The following MTUS2 variants were observed in gnomAD, a reference collection of about 807,000 sequenced individuals.
MTUS2 encodes the protein microtubule associated scaffold protein 2.
A neutral mutation model predicts 114.1 loss-of-function variants in MTUS2; 40 were observed. The ratio of observed to expected loss-of-function variants is 0.35; its 90% CI spans 0.27 to 0.46. The LOEUF is 0.46. MTUS2 is among the 20% of genes least tolerant of loss of function. MTUS2 has a pLI of 1.00. For missense variants in MTUS2, 1,679 were observed against 1,705.4 expected, an observed-to-expected ratio of 0.98 and a Z score of 0.27; for synonymous variants, 688 against 672.0, an observed-to-expected ratio of 1.02 and a Z score of -0.37.
At chr13:28,903,418 C>A (rs1258450779) in intron 2 of MTUS2, among the ~76,000 whole-genome samples, 1 of 113,254 alleles carries the variant, frequency 8.8e-6, no homozygotes, top group Non-Finnish European at 1.7e-5. Context: ...CCCCCCTCCC[C>A]CCACCCCACA....
At chr13:29,088,791 G>GTTCTTT (rs1889811418) in intron 4 of MTUS2, among the ~76,000 whole-genome samples, 1 of 151,982 alleles carries the variant, frequency 6.6e-6, no homozygotes. Flanking sequence ...AGCAACCCCT[G>GTTCTTT]TTCTTTTTGT....
chr13:29,307,464 T>C, intron 6 of MTUS2: 1 of 1,332,114 alleles, frequency 7.5e-7, no homozygotes, highest in Non-Finnish European at 1.1e-6. Context: ...GGAAGCTCAC[T>C]GGCATGGCCT....
chr13:29,398,838 T>A (rs1874112501), intron 8 of MTUS2, among the ~76,000 whole-genome samples: 1 of 152,142 alleles, frequency 6.6e-6, no homozygotes, highest in Admixed American at 6.5e-5. Context: ...GCAGAAGACT[T>A]CTGAAATTAG....
At chr13:29,392,291 G>C (rs1019251414) in intron 8 of MTUS2, among the ~76,000 whole-genome samples, 1 of 152,212 alleles carries the variant, frequency 6.6e-6, no homozygotes, top group East Asian at 1.9e-4. Flanking sequence ...GACCTTCTCT[G>C]GTGCCTGGAT....
intron 2 of MTUS2, among the ~76,000 whole-genome samples, chr13:28,980,221 G>A (rs1593352586): frequency 6.6e-6 from 1 of 152,230 alleles, no homozygotes; most frequent in Admixed American, 6.5e-5. Context: ...ATTAAACTTG[G>A]CAGTTCTTTT....
chr13:29,352,325 T>C (rs1035790127), intron 7 of MTUS2, among the ~76,000 whole-genome samples: 15 of 152,194 alleles, frequency 9.9e-5, no homozygotes, highest in Non-Finnish European at 2.9e-5. Flanking sequence ...CTTCCGTAGC[T>C]CCAGCCTTCC....
rs953519043 is a variant in MTUS2, at chr13:29,393,133, A to G, written c.3117+33660A>G. Among the ~76,000 whole-genome samples the G allele has an allele frequency of 4.6e-5, 7 of 152,178 alleles. No individual in the cohort carries two copies. The East Asian group carries it at 1.2e-3, about 25-fold the overall frequency. ...AGCTGTGAGCAAAGCAGTGACAAAG[A>G]CAGAATAAGTGGCTTGCAGTCCAGC... On this transcript the variant is annotated intron_variant, in intron 8 of 15. Transcript: ENST00000612955.
At chr13:29,100,398 A>G (rs754943494) in intron 4 of MTUS2, among the ~76,000 whole-genome samples, 8 of 152,252 alleles carry the variant, frequency 5.3e-5, no homozygotes, top group Non-Finnish European at 1.0e-4. Flanking sequence ...TTTAAGGTGT[A>G]TCTCAATTTC....
intron 2 of MTUS2, among the ~76,000 whole-genome samples, chr13:28,970,616 G>C (rs1194220313): frequency 6.6e-6 from 1 of 152,224 alleles, no homozygotes; most frequent in Non-Finnish European, 1.5e-5. Flanking sequence ...GTAAGAAGAT[G>C]AAGGCTTGAC....
chr13:29,269,175 G>A (rs1897783425), intron 5 of MTUS2, among the ~76,000 whole-genome samples: 1 of 152,198 alleles, frequency 6.6e-6, no homozygotes. Flanking sequence ...ACAACTGACA[G>A]TCATTCCCCA....
At chr13:29,456,046 G>A (rs1879085343) in intron 9 of MTUS2, among the ~76,000 whole-genome samples, 1 of 152,134 alleles carries the variant, frequency 6.6e-6, no homozygotes, top group African/African-American at 2.4e-5. Context: ...TGCTCCAGAT[G>A]TTGTAATTAG....
intron 8 of MTUS2, among the ~76,000 whole-genome samples, chr13:29,362,174 T>C (rs752440430): frequency 6.6e-6 from 1 of 152,212 alleles, no homozygotes; most frequent in African/African-American, 2.4e-5. Flanking sequence ...TTTATAGAGA[T>C]GGGTCTCACT....
chr13:28,985,204 T>G (rs1326398278), intron 2 of MTUS2, among the ~76,000 whole-genome samples: 2 of 152,212 alleles, frequency 1.3e-5, no homozygotes, highest in African/African-American at 4.8e-5. Flanking sequence ...AGCTTAATGT[T>G]AAGATTTTAA....
At chr13:29,085,671 C>T (rs148878892) in intron 4 of MTUS2, among the ~76,000 whole-genome samples, 327 of 152,226 alleles carry the variant, frequency 2.1e-3, no homozygotes, top group Admixed American at 2.4e-3. Context: ...ACCACATTTT[C>T]TTTATCCAGT....
chr13:29,037,993 C>T (rs1332532807), intron 4 of MTUS2, among the ~76,000 whole-genome samples: 2 of 152,092 alleles, frequency 1.3e-5, no homozygotes, highest in Non-Finnish European at 1.5e-5. Flanking sequence ...TTGTTACCCA[C>T]GTTTTGAAGC....
At chr13:28,855,958 A>G (rs1161466) in intron 2 of MTUS2, among the ~76,000 whole-genome samples, 116,069 of 151,978 alleles carry the variant, frequency 0.76, 45,049 homozygotes, top group Non-Finnish European at 0.82. Flanking sequence ...TTTAATAATC[A>G]CCATTCTGAC....
intron 2 of MTUS2, among the ~76,000 whole-genome samples, chr13:28,992,937 G>A (rs79453817): frequency 0.018 from 2,686 of 152,200 alleles, 82 homozygotes; most frequent in African/African-American, 0.061. Flanking sequence ...AGTGAATTTG[G>A]TGACTCTAGG....
chr13:29,123,059 A>G (rs1470529869), intron 5 of MTUS2, among the ~76,000 whole-genome samples: 2 of 152,298 alleles, frequency 1.3e-5, no homozygotes, highest in East Asian at 1.9e-4. Context: ...AATTTCTAGC[A>G]TGTTTCCTTT....
intron 2 of MTUS2, among the ~76,000 whole-genome samples, chr13:28,887,615 G>A (rs1878668093): frequency 6.6e-6 from 1 of 152,200 alleles, no homozygotes; most frequent in Non-Finnish European, 1.5e-5. Flanking sequence ...CTGGACTTCA[G>A]TGGGCCAAAG....
Sources: allele counts gnomAD v4.1 joint callset (sites outside exome capture counted in the v4.1 genomes callset), GRCh38; gene constraint gnomAD v4.1.1; transcripts MANE v1.5; gene names NCBI Gene and HGNC (gene_info 2026-07-23, HGNC 2026-07-21).